ARSF: variants seen among roughly 807,000 people sequenced by gnomAD.
ARSF encodes arylsulfatase F.
Under a neutral mutation model 35.4 loss-of-function variants are expected in ARSF, and 33 were observed. The observed-to-expected ratio is 0.93, with a 90% CI of 0.71 to 1.25. The LOEUF (loss-of-function observed/expected upper bound fraction) is 1.25, where lower values mean the gene tolerates loss of function less well. Ranked by LOEUF, ARSF falls within the 50% of genes most tolerant of loss-of-function variation. The pLI is 0.00. For missense variants in ARSF, 501 were observed against 480.2 expected, an observed-to-expected ratio of 1.04 and a Z score of -0.40; for synonymous variants, 222 against 193.1, an observed-to-expected ratio of 1.15 and a Z score of -1.24.
chrX:3,056,354 C>A (rs927035935), intron 1 of ARSF, among the ~76,000 whole-genome samples: 161 of 107,682 alleles, frequency 1.5e-3, no homozygotes, highest in African/African-American at 5.2e-3. Flanking sequence ...CGGCTCACTG[C>A]AACCTCTGCC....
chrX:3,058,666 A>C (rs1397873000), intron 1 of ARSF: 3 of 313,617 alleles, frequency 9.6e-6, no homozygotes, highest in African/African-American at 8.1e-5. Context: ...CAGCCTGGGC[A>C]ATATAGGGAG....
At chrX:3,068,787 A>G (rs1350069117) in intron 2 of ARSF, among the ~76,000 whole-genome samples, 1 of 111,915 alleles carries the variant, frequency 8.9e-6, no homozygotes, top group Non-Finnish European at 1.9e-5. Context: ...CTAACTTTGC[A>G]TAGATGAAAA....
intron 1 of ARSF, among the ~76,000 whole-genome samples, chrX:3,054,819 C>T (rs763156535): frequency 5.6e-5 from 6 of 107,580 alleles, no homozygotes; most frequent in Middle Eastern, 4.7e-3. Context: ...CTGCAATCTC[C>T]GCCTCCCAGG....
At chrX:3,071,072 A>C (rs1442307560) in intron 2 of ARSF, among the ~76,000 whole-genome samples, 1 of 110,622 alleles carries the variant, frequency 9.0e-6, no homozygotes, top group Non-Finnish European at 1.9e-5. Context: ...ATAGATATCA[A>C]GAGTGTCTCG....
chrX:3,042,650 C>A (rs1446458225), intron 1 of ARSF, among the ~76,000 whole-genome samples: 1 of 109,493 alleles, frequency 9.1e-6, no homozygotes, highest in Non-Finnish European at 1.9e-5. Context: ...GTGCCCACCA[C>A]CATGCCTGGC....
At chrX:3,107,555 T>C (rs2090418891) in intron 9 of ARSF, among the ~76,000 whole-genome samples, 1 of 111,433 alleles carries the variant, frequency 9.0e-6, no homozygotes, top group Non-Finnish European at 1.9e-5. Flanking sequence ...TAAGATTTTC[T>C]AGAATAAAGA....
chrX:3,073,253 T>C (rs1236953514), intron 3 of ARSF, among the ~76,000 whole-genome samples: 1 of 99,942 alleles, frequency 1.0e-5, no homozygotes, highest in Non-Finnish European at 2.0e-5. Flanking sequence ...ATATAATATA[T>C]AATATTCATA....
At chrX:3,098,290 T>C (rs1431844196) in intron 7 of ARSF, among the ~76,000 whole-genome samples, 1 of 110,116 alleles carries the variant, frequency 9.1e-6, no homozygotes, top group Non-Finnish European at 1.9e-5. Context: ...ACACGAAGAT[T>C]TTCCGAGAAA....
chrX:3,079,471 A>C (rs2090180575), intron 4 of ARSF, among the ~76,000 whole-genome samples: 1 of 106,772 alleles, frequency 9.4e-6, no homozygotes, highest in Admixed American at 1.0e-4. Context: ...CAGCCTCCTG[A>C]GTAGCTGGGA....
chrX:3,109,022 A>G (rs1374430529), intron 9 of ARSF, among the ~76,000 whole-genome samples: 1 of 110,600 alleles, frequency 9.0e-6, no homozygotes, highest in Non-Finnish European at 1.9e-5. Context: ...GTCTCCAAGA[A>G]AGAAAAAAAA....
chrX:3,112,342 C>T lies in ARSF; in HGVS notation c.1559C>T (p.Thr520Ile). Reference protein sequence around the residue: ...SRDPSESTPLTPATEPLHDFV... With the variant: ...SRDPSESTPLIPATEPLHDFV... ...GACCCCTCAGAGTCCACACCCCTGA[C>T]ACCTGCCACAGAGCCCCTCCATGAT... The change falls in exon 11 of 11, where the codon ACA (threonine) becomes ATA (isoleucine). Residue 520 changes from threonine to isoleucine, a missense_variant. By Grantham distance (89) the Thr-to-Ile change is moderately conservative. Coordinates refer to ENST00000381127, the MANE Select transcript of ARSF (RefSeq NM_001201539.2). 1 of 1,211,431 alleles carries T rather than the reference C, an allele frequency of 8.3e-7. No homozygotes were observed. Among genetic ancestry groups the T allele is most frequent in the South Asian group, 1.8e-5 (1 of 56,939 alleles).
rs112990391 is a variant in ARSF, at chrX:3,102,617, G to A, written c.1103-1145G>A. On this transcript the variant is annotated intron_variant, in intron 8 of 10. Transcript: ENST00000381127. ...TGCGCATGTTAGACATTGTATGTTT[G>A]CTTATGGGAACTGTTTTTAAAAATT... Among the ~76,000 whole-genome samples the A allele has an allele frequency of 9.9e-3, 1,114 of 112,291 alleles. 16 individuals are homozygous for A. The highest frequency in any genetic ancestry group is 0.034 in the African/African-American group (1,048 of 30,938).
At chrX:3,107,665 G>C (rs2090419503) in intron 9 of ARSF, among the ~76,000 whole-genome samples, 1 of 110,443 alleles carries the variant, frequency 9.1e-6, no homozygotes, top group Non-Finnish European at 1.9e-5. Context: ...AAGTTTAAAA[G>C]AGTAATCAGG....
chrX:3,055,298 C>T (rs754697128), intron 1 of ARSF, among the ~76,000 whole-genome samples: 48 of 97,874 alleles, frequency 4.9e-4, no homozygotes, highest in African/African-American at 1.7e-3. Context: ...GCCCAGATCG[C>T]GCCACTGCAC....
intron 1 of ARSF, among the ~76,000 whole-genome samples, chrX:3,059,999 G>A (rs1475252068): frequency 8.9e-6 from 1 of 112,223 alleles, no homozygotes; most frequent in Non-Finnish European, 1.9e-5. Context: ...GTGGGTCCCT[G>A]ACCCCCTTGT....
chrX:3,070,938 GGTGTGTGTGT>G (rs36129786), intron 2 of ARSF, among the ~76,000 whole-genome samples: 18 of 95,144 alleles, frequency 1.9e-4, no homozygotes, highest in African/African-American at 2.7e-4. Context: ...AGTATTCCAT[GGTGTGTGTGT>G]GTGTGTGTGT....
intron 1 of ARSF, among the ~76,000 whole-genome samples, chrX:3,054,582 G>A (rs1480093145): frequency 9.0e-6 from 1 of 110,716 alleles, no homozygotes; most frequent in African/African-American, 3.3e-5. Context: ...GGGATGACAG[G>A]TGTGAGCCCC....
chrX:3,052,225 A>G (rs1163420045), intron 1 of ARSF, among the ~76,000 whole-genome samples: 2 of 111,797 alleles, frequency 1.8e-5, no homozygotes, highest in Admixed American at 9.6e-5. Flanking sequence ...TGTATAACCT[A>G]TCTCCCATGA....
intron 1 of ARSF, among the ~76,000 whole-genome samples, chrX:3,062,152 T>C (rs2090044643): frequency 8.9e-6 from 1 of 112,055 alleles, no homozygotes; most frequent in African/African-American, 3.2e-5. Context: ...AGAAACTCAC[T>C]CAAAACTGCT....
Sources: gnomAD v4.1 joint callset for allele counts (sites outside exome capture counted in the v4.1 genomes callset) on GRCh38, gnomAD v4.1.1 for gene constraint, MANE v1.5 for transcripts, NCBI Gene and HGNC (gene_info 2026-07-23, HGNC 2026-07-21) for gene names.